The following IMPDH1 variants were observed in gnomAD, a reference collection of about 807,000 sequenced individuals.
IMPDH1 encodes the protein inosine monophosphate dehydrogenase 1, also known as inosine-5'-monophosphate dehydrogenase 1.
Under a neutral mutation model 73.5 loss-of-function variants are expected in IMPDH1, and 41 were observed. The ratio of observed to expected loss-of-function variants is 0.56; its 90% CI spans 0.43 to 0.72. The LOEUF is 0.72. IMPDH1 is among the 30% of genes least tolerant of loss of function. The pLI is 0.00. For missense variants in IMPDH1, 645 were observed against 824.8 expected (o/e 0.78, Z 2.67); for synonymous variants, 318 against 334.3 (o/e 0.95, Z 0.53).
In IMPDH1 at chr7:128,395,231, C is replaced by T; in HGVS notation, c.1305G>A (p.Val435=). The change falls in exon 13 of 17, where the codon GTG becomes GTA. Residue 435 remains valine, a synonymous_variant. Coordinates refer to ENST00000338791, the MANE Select transcript of IMPDH1 (RefSeq NM_000883.4). ...GRPQGTAVYK[V]AEYARRFGVP... is the part of the protein sequence containing the mutation. ...CACCAAAGCGCCGGGCATACTCAGC[C>T]ACCTTGTACACAGCAGTGCCCTGGG... 6.2e-7 allele frequency: 1 copy of T among 1,613,840 alleles called. No homozygotes were observed. The highest frequency in any genetic ancestry group is 8.5e-7 in the Non-Finnish European group (1 of 1,180,048).
rs907807542 is a variant in IMPDH1 at position 128,405,777 on chromosome 7, G to A, written c.343C>T (p.Leu115Phe). The A allele has an allele frequency of 2.0e-6, 3 of 1,538,322 alleles. No individual in the cohort carries two copies. In the African/African-American group the frequency reaches 4.2e-5, roughly 22 times the overall value. ...AGACCCGGCGCTTACTTGTAGGTGAGGCCGTCGGCGCTGGCGAAGAGCTGC... is the reference window on the plus strand; with the variant it reads ...AGACCCGGCGCTTACTTGTAGGTGAAGCCGTCGGCGCTGGCGAAGAGCTGC... ...AQQLFASADG[L>F]TYNDFLILPG... Residue 115 changes from leucine to phenylalanine, a missense_variant, in exon 4 of 17, where the codon CTC becomes TTC. Physicochemically the swap from Leu to Phe is conservative, Grantham distance 22 (BLOSUM62 0). Transcript: ENST00000338791.
rs1304954754 is a variant in IMPDH1 at position 128,398,691 on chromosome 7, A to C, written c.875-78T>G. The C allele has an allele frequency of 1.7e-6, 2 of 1,169,758 alleles. No individual in the cohort carries two copies. Among genetic ancestry groups the C allele is most frequent in the Non-Finnish European group, 2.5e-6 (2 of 786,430 alleles). The allele number at this position is 1,169,758 out of a possible 1,614,324, so 72.5% of individuals were successfully genotyped here. Reference sequence around the variant, plus strand: ...GGAGATGTTTAGGAGGGTGAAGATGAAAGTGGACCACTCCAGAGATTCCAC... The same window carrying C: ...GGAGATGTTTAGGAGGGTGAAGATGCAAGTGGACCACTCCAGAGATTCCAC... On this transcript the variant is annotated intron_variant, in intron 9 of 16. Coordinates refer to ENST00000338791, the MANE Select transcript of IMPDH1 (RefSeq NM_000883.4). The surrounding 1 kb of genome is among the most constrained non-coding windows in gnomAD (Gnocchi z 4.3).
chr7:128,401,204 AG>A, intron 5 of IMPDH1, 88 bp from the exon 6 acceptor site: 2 of 933,244 alleles, frequency 2.1e-6, no homozygotes, highest in Non-Finnish European at 3.4e-6. Flanking sequence ...GCACCAGGAC[AG>A]GCCCTGGGGA....
chr7:128,409,450 G>T lies in IMPDH1; in HGVS notation c.181C>A (p.Pro61Thr), dbSNP rs745422091. Reference protein sequence around the residue: ...RLDLATHPTTPRSELSSVVLL... With the variant: ...RLDLATHPTTTRSELSSVVLL... ...CAGGAGTTGGAGCCACCTGAACGGG[G>T]TGTCGTCGGGTGTGTAGCGAGGTCC... Residue 61 changes from proline (P) to threonine (T), a missense_variant, in exon 2 of 17, where the codon CCC becomes ACC. Pro to Thr is a conservative substitution (Grantham distance 38). This residue lies in a region of IMPDH1 where 186 missense variants were observed against 186.6 expected (regional missense o/e 1.00). Transcript: ENST00000338791. 2.5e-6 allele frequency: 4 copies of T among 1,614,130 alleles called. No individual in the cohort carries two copies. The highest frequency in any genetic ancestry group is 2.5e-6 in the Non-Finnish European group (3 of 1,180,038).
Position 128,398,448 on chromosome 7 carries a change from A to C in IMPDH1, c.1040T>G (p.Leu347Arg). The C allele has an allele frequency of 6.2e-7, 1 of 1,613,510 alleles. No homozygotes were observed. Among genetic ancestry groups the C allele is most frequent in the Non-Finnish European group, 8.5e-7 (1 of 1,179,826 alleles). ...GACGTCGACGCCCGCCTGGGTGAGC[A>C]GGTCCAGACGGTATTTGTCATCCTC... ...TREDDKYRLDLLTQAGVDVIV... is the reference protein window; with the variant it reads ...TREDDKYRLDRLTQAGVDVIV... Residue 347 changes from leucine to arginine, a missense_variant, in exon 10 of 17, where the codon CTG becomes CGG. Coordinates refer to ENST00000338791, the MANE Select transcript of IMPDH1 (RefSeq NM_000883.4). This position sits in a 1 kb window ranked among gnomAD's most constrained non-coding sequence, Gnocchi z 4.3.
At position 128,400,804 on chromosome 7, in the gene IMPDH1, G is replaced by A; in HGVS notation, c.579+13C>T. On this transcript the variant is annotated intron_variant, in intron 7 of 16. Coordinates refer to ENST00000338791, the MANE Select transcript of IMPDH1 (RefSeq NM_000883.4). The stretch of plus-strand genomic sequence containing the variant: ...CCAGGTGGCATCTTGCTGGGGACAG[G>A]CCTGGTACTTGCCTTGACCTTCCGC... 3.1e-6 allele frequency: 5 copies of A among 1,612,784 alleles called. No homozygotes were observed. The highest frequency in any genetic ancestry group is 4.2e-6 in the Non-Finnish European group (5 of 1,178,906).
At position 128,396,710 on chromosome 7, in the gene IMPDH1, G is replaced by A. The variant is rs1325060943; in HGVS notation, c.1166-15C>T. The A allele has an allele frequency of 6.5e-7, 1 of 1,545,858 alleles. No homozygotes were observed. Among genetic ancestry groups the A allele is most frequent in the South Asian group, 1.2e-5 (1 of 84,070 alleles). ...TGCTGTCACCACTGGGGGTGGGGATGGGGCAGAGGAACAATGTGAGGATGG... is the reference window on the plus strand; with the variant it reads ...TGCTGTCACCACTGGGGGTGGGGATAGGGCAGAGGAACAATGTGAGGATGG... On this transcript the variant is annotated splice_polypyrimidine_tract_variant and intron_variant, in intron 11 of 16. Coordinates refer to ENST00000338791, the MANE Select transcript of IMPDH1 (RefSeq NM_000883.4). The surrounding 1 kb of genome is among the most constrained non-coding windows in gnomAD (Gnocchi z 4.0).
Position 128,394,721 on chromosome 7 carries a change from G to A in IMPDH1, c.1551-122C>T, listed in dbSNP as rs1797789347. 1 of 1,413,864 alleles carries A rather than the reference G, an allele frequency of 7.1e-7. No homozygotes were observed. Among genetic ancestry groups the A allele is most frequent in the Non-Finnish European group, 9.8e-7 (1 of 1,017,064 alleles). The allele number at this position is 1,413,864 out of a possible 1,614,324, so 87.6% of individuals were successfully genotyped here. A position where few individuals can be genotyped will look rare whatever the true frequency, so the allele number is the denominator to read the frequency against. ...CCCCCAGGCCACCCCTCACTGGGCT[G>A]AGTCAGATGGCCCAGGGACAGATCC... On this transcript the variant is annotated intron_variant, in intron 14 of 16. Coordinates refer to ENST00000338791, the MANE Select transcript of IMPDH1 (RefSeq NM_000883.4). The surrounding 1 kb of genome is among the most constrained non-coding windows in gnomAD (Gnocchi z 5.5).
In IMPDH1 at chr7:128,405,875, G is replaced by A. The variant is rs1478038443; in HGVS notation, c.255-10C>T. 17 of 1,517,874 alleles carry A rather than the reference G, an allele frequency of 1.1e-5. No homozygotes were observed. In the East Asian group the frequency reaches 2.7e-4, roughly 24 times the overall value. 94.0% of individuals were successfully genotyped at this position (1,517,874 alleles called of 1,614,324 possible). A position where few individuals can be genotyped will look rare whatever the true frequency, so the allele number is the denominator to read the frequency against. ...CAGGTAGTCCGCCATGCTGCCGCGA[G>A]ACCCCGCGACCCGACATAAACACCC... On this transcript the variant is annotated splice_polypyrimidine_tract_variant and intron_variant, in intron 3 of 16. Transcript: ENST00000338791.
intron 5 of IMPDH1, among the ~76,000 whole-genome samples, chr7:128,401,361 C>A (rs890295089): frequency 1.3e-5 from 2 of 152,178 alleles, no homozygotes; most frequent in Non-Finnish European, 2.9e-5. Context: ...AAAGGCCAAG[C>A]GACCACTGGC....
chr7:128,405,734 C>T (rs1458218760), intron 4 of IMPDH1, 33 bp downstream of exon 4: 1 of 1,519,746 alleles, frequency 6.6e-7, no homozygotes. Context: ...CGCGTGGATG[C>T]GCGCACCTAG....
rs1390473274 is a variant in IMPDH1, at chr7:128,409,701, C to A, written c.146+55G>T. The A allele has an allele frequency of 3.3e-6, 5 of 1,520,650 alleles. No homozygotes were observed. In the East Asian group the frequency reaches 1.2e-4, roughly 37 times the overall value. The allele number at this position is 1,520,650 out of a possible 1,614,324, so 94.2% of individuals were successfully genotyped here. ...TCGCCGGGTTCCCGGAGCCGCCGCGCCCTCCTCGGCCGCCCGCCCCGGATG... is the reference window on the plus strand; with the variant it reads ...TCGCCGGGTTCCCGGAGCCGCCGCGACCTCCTCGGCCGCCCGCCCCGGATG... On this transcript the variant is annotated intron_variant, in intron 1 of 16. Coordinates refer to ENST00000338791, the MANE Select transcript of IMPDH1 (RefSeq NM_000883.4).
intron 4 of IMPDH1, 105 bp from the exon 5 acceptor site, chr7:128,403,859 G>A (rs1798515473): frequency 1.0e-6 from 1 of 977,706 alleles, no homozygotes; most frequent in Non-Finnish European, 1.6e-6. Context: ...AAAGCCTAGA[G>A]GAGCAGAGGC....
chr7:128,403,802 A>T, intron 4 of IMPDH1, 48 bp from the exon 5 acceptor site: 1 of 1,524,140 alleles, frequency 6.6e-7, no homozygotes, highest in Non-Finnish European at 9.1e-7. Context: ...GGGTGCCCCA[A>T]AGGGGCAGAG....
At chr7:128,401,555 G>A (rs992504780) in intron 5 of IMPDH1, among the ~76,000 whole-genome samples, 1 of 152,112 alleles carries the variant, frequency 6.6e-6, no homozygotes, top group Non-Finnish European at 1.5e-5. Context: ...GAAGGGAGAG[G>A]CAGGAGGAAG....
intron 3 of IMPDH1, among the ~76,000 whole-genome samples, chr7:128,408,959 C>A (rs1371023970): frequency 6.6e-6 from 1 of 152,200 alleles, no homozygotes; most frequent in East Asian, 1.9e-4. Context: ...GCTAATTCCC[C>A]CAGACCACCC....
intron 3 of IMPDH1, among the ~76,000 whole-genome samples, chr7:128,407,569 G>A (rs1230661439): frequency 6.6e-6 from 1 of 152,184 alleles, no homozygotes; most frequent in Non-Finnish European, 1.5e-5. Context: ...ACCATTCAGA[G>A]CTGCTCTGGG....
Position 128,396,451 on chromosome 7 carries a change from G to A in IMPDH1, c.1261+149C>T, listed in dbSNP as rs1797918540. Reference sequence around the variant, plus strand: ...TACACCTGCCTTCCCCTAAGTCAGTGGGCCCGATGGGGTGGGGCCCATGCC... The same window carrying A: ...TACACCTGCCTTCCCCTAAGTCAGTAGGCCCGATGGGGTGGGGCCCATGCC... On this transcript the variant is annotated intron_variant, in intron 12 of 16. Transcript: ENST00000338791. This position sits in a 1 kb window ranked among gnomAD's most constrained non-coding sequence, Gnocchi z 4.0. 2 of 711,206 alleles carry A rather than the reference G, an allele frequency of 2.8e-6. No individual in the cohort carries two copies. Among genetic ancestry groups the A allele is most frequent in the Admixed American group, 2.0e-5 (1 of 49,296 alleles). 44.1% of individuals were successfully genotyped at this position (711,206 alleles called of 1,614,324 possible).
rs1237210559 is a variant in IMPDH1 at position 128,394,410 on chromosome 7, G to C, written c.1694+46C>G. On this transcript the variant is annotated intron_variant, in intron 15 of 16. Transcript: ENST00000338791. The surrounding 1 kb of genome is among the most constrained non-coding windows in gnomAD (Gnocchi z 5.5). ...GATCAGGGCCACCAAGGGTGGAGAA[G>C]AGCGAGAGAAAGGAAGCAGGAGCCA... is the stretch of plus-strand genomic sequence containing the variant. 6.2e-7 allele frequency: 1 copy of C among 1,613,876 alleles called. No individual in the cohort carries two copies. Among genetic ancestry groups the C allele is most frequent in the East Asian group, 2.2e-5 (1 of 44,864 alleles).
Sources: gnomAD v4.1 joint callset for allele counts (sites outside exome capture counted in the v4.1 genomes callset) on GRCh38, gnomAD v4.1.1 for gene constraint, gnomAD v4.1.1 regional missense constraint, Gnocchi (gnomAD v3.1) non-coding constraint, MANE v1.5 for transcripts, NCBI Gene and HGNC (gene_info 2026-07-23, HGNC 2026-07-21) for gene names.